Variants in PTPRD observed in about 807,000 individuals in gnomAD.
PTPRD encodes protein tyrosine phosphatase receptor type D.
In PTPRD, 34 loss-of-function variants were observed where a neutral mutation model predicts 214.5. That is an observed-to-expected ratio of 0.16 (90% CI 0.12 to 0.21). The LOEUF is 0.21. Among genes scored for constraint, PTPRD ranks in the 10% least tolerant of loss-of-function variants. The pLI is 1.00. For missense variants in PTPRD, 2,545 were observed against 2,398.7 expected, an observed-to-expected ratio of 1.06 and a Z score of -1.27; for synonymous variants, 1,128 against 845.7, an observed-to-expected ratio of 1.33 and a Z score of -5.79.
chr9:10,113,037 G>T (rs1408565898), intron 3 of PTPRD, among the ~76,000 whole-genome samples: 1 of 152,144 alleles, frequency 6.6e-6, no homozygotes, highest in Non-Finnish European at 1.5e-5. Flanking sequence ...CCATCATCTG[G>T]GTTATAGTGA....
chr9:10,206,139 G>A (rs534393194), intron 3 of PTPRD, among the ~76,000 whole-genome samples: 1 of 151,590 alleles, frequency 6.6e-6, no homozygotes, highest in East Asian at 1.9e-4. Context: ...GAGTTTGCAA[G>A]TAGATAAGAC....
chr9:8,572,570 T>TA (rs1487296867), intron 14 of PTPRD, among the ~76,000 whole-genome samples: 3 of 151,916 alleles, frequency 2.0e-5, no homozygotes, highest in South Asian at 2.1e-4. Flanking sequence ...GGTCTAAAGC[T>TA]AAAAAAAGGA....
chr9:9,478,733 C>G (rs1037275666), intron 8 of PTPRD, among the ~76,000 whole-genome samples: 7 of 152,094 alleles, frequency 4.6e-5, no homozygotes, highest in African/African-American at 1.7e-4. Flanking sequence ...ATTTGATGCT[C>G]AAAATGTTGA....
At chr9:8,339,667 A>G (rs1308252448) in intron 42 of PTPRD, among the ~76,000 whole-genome samples, 3 of 152,080 alleles carry the variant, frequency 2.0e-5, no homozygotes, top group Non-Finnish European at 2.9e-5. Flanking sequence ...CTGCACTTCT[A>G]TTTAATTTAC....
intron 4 of PTPRD, among the ~76,000 whole-genome samples, chr9:9,965,859 T>C (rs2094654846): frequency 6.6e-6 from 1 of 152,204 alleles, no homozygotes; most frequent in Admixed American, 6.5e-5. Context: ...AGGTGTACAA[T>C]GAACACTATT....
chr9:9,805,249 A>G (rs1359917099), intron 5 of PTPRD, among the ~76,000 whole-genome samples: 1 of 152,138 alleles, frequency 6.6e-6, no homozygotes, highest in Admixed American at 6.6e-5. Flanking sequence ...GTATGAGAAG[A>G]AGTAATATAT....
At chr9:9,164,197 G>A (rs2154495272) in intron 10 of PTPRD, among the ~76,000 whole-genome samples, 1 of 152,162 alleles carries the variant, frequency 6.6e-6, no homozygotes, top group East Asian at 1.9e-4. Context: ...TCCTTCTGGA[G>A]GATATACAAG....
chr9:10,318,682 G>C (rs1178488352), intron 3 of PTPRD, among the ~76,000 whole-genome samples: 2 of 151,942 alleles, frequency 1.3e-5, no homozygotes, highest in Non-Finnish European at 2.9e-5. Flanking sequence ...GCACGATCTT[G>C]GCTCACTGCA....
chr9:10,610,104 C>T (rs1165359303), intron 2 of PTPRD, among the ~76,000 whole-genome samples: 1 of 152,124 alleles, frequency 6.6e-6, no homozygotes, highest in Non-Finnish European at 1.5e-5. Flanking sequence ...ACACTAGCAA[C>T]TTTCTTCTCA....
chr9:8,638,376 G>A (rs1405759789), intron 12 of PTPRD, among the ~76,000 whole-genome samples: 2 of 151,984 alleles, frequency 1.3e-5, no homozygotes, highest in African/African-American at 2.4e-5. Context: ...TGGTTTTCTT[G>A]GAGTCAAGGA....
At chr9:8,466,393 T>G (rs10758975) in intron 31 of PTPRD, among the ~76,000 whole-genome samples, 37,399 of 151,814 alleles carry the variant, frequency 0.25, 4,607 homozygotes, top group East Asian at 0.35. Flanking sequence ...AAATTAATTT[T>G]AGTACTGCCC....
chr9:10,589,042 T>C (rs1471838456), intron 2 of PTPRD, among the ~76,000 whole-genome samples: 2 of 152,054 alleles, frequency 1.3e-5, no homozygotes, highest in African/African-American at 2.4e-5. Context: ...TCATGACTTA[T>C]CAGGGCTGGA....
intron 10 of PTPRD, among the ~76,000 whole-genome samples, chr9:9,127,109 C>T (rs777618348): frequency 2.0e-5 from 3 of 152,148 alleles, no homozygotes; most frequent in Non-Finnish European, 4.4e-5. Flanking sequence ...CACACATACA[C>T]ACACAGGTAC....
At chr9:9,046,085 T>A (rs2099671440) in intron 10 of PTPRD, among the ~76,000 whole-genome samples, 1 of 152,182 alleles carries the variant, frequency 6.6e-6, no homozygotes, top group Admixed American at 6.5e-5. Flanking sequence ...CATGCTTTAT[T>A]TTTATGTAAA....
chr9:10,072,286 G>T lies in PTPRD; in HGVS notation c.-544-38496C>A, dbSNP rs530204428. 5.9e-5 allele frequency among the ~76,000 whole-genome samples: 9 copies of T among 152,120 alleles called. No homozygotes were observed. The South Asian group carries it at 1.9e-3, about 32-fold the overall frequency. ...ACAATGAGCCATCACTACATATCTAGCAGAGTAGCTAAAATAAAATAAAAT... is the reference window on the plus strand; with the variant it reads ...ACAATGAGCCATCACTACATATCTATCAGAGTAGCTAAAATAAAATAAAAT... On this transcript the variant is annotated intron_variant, in intron 3 of 45. Coordinates refer to ENST00000381196, the MANE Select transcript of PTPRD (RefSeq NM_002839.4).
At chr9:9,434,077 G>C (rs1249072803) in intron 8 of PTPRD, among the ~76,000 whole-genome samples, 1 of 152,128 alleles carries the variant, frequency 6.6e-6, no homozygotes, top group African/African-American at 2.4e-5. Flanking sequence ...CTGCGGTTTT[G>C]CATATACTAA....
chr9:8,341,401 A>G, intron 40 of PTPRD, 133 bp from the exon 41 acceptor site: 1 of 985,948 alleles, frequency 1.0e-6, no homozygotes, highest in Non-Finnish European at 1.5e-6. Context: ...GACTATTCAA[A>G]TTGTACTGCT....
chr9:8,444,554 G>A lies in PTPRD; in HGVS notation c.3988+5171C>T, dbSNP rs961361158. ...TATGTCAAATAAAAAAGAAAAAAAA[G>A]TGGTGGAATGAAGAGTAATTTTTCT... is the stretch of plus-strand genomic sequence containing the variant. On this transcript the variant is annotated intron_variant, in intron 34 of 45. Coordinates refer to ENST00000381196, the MANE Select transcript of PTPRD (RefSeq NM_002839.4). 1.1e-4 allele frequency among the ~76,000 whole-genome samples: 17 copies of A among 152,048 alleles called. 1 individual carries two copies. Among genetic ancestry groups the A allele is most frequent in the Admixed American group, 9.2e-4 (14 of 15,272 alleles).
chr9:8,649,287 G>A (rs568655801), intron 12 of PTPRD, among the ~76,000 whole-genome samples: 2 of 152,308 alleles, frequency 1.3e-5, no homozygotes, highest in East Asian at 3.9e-4. Flanking sequence ...TGAGCTGAAA[G>A]GCTTTGAGCC....
Sources: gnomAD v4.1 joint callset for allele counts (sites outside exome capture counted in the v4.1 genomes callset) on GRCh38, gnomAD v4.1.1 for gene constraint, MANE v1.5 for transcripts, NCBI Gene and HGNC (gene_info 2026-07-23, HGNC 2026-07-21) for gene names.